Variants in CYP51A1 observed in about 807,000 individuals in gnomAD.
The protein encoded by CYP51A1 is cytochrome P450 family 51 subfamily A member 1.
Under a neutral mutation model 53.5 loss-of-function variants are expected in CYP51A1, and 45 were observed. The observed-to-expected ratio is 0.84, with a 90% CI of 0.66 to 1.08. The LOEUF is 1.08. Ranked by LOEUF, CYP51A1 falls within the 50% of genes least tolerant of loss-of-function variation. The pLI, the probability that CYP51A1 is intolerant of heterozygous loss-of-function variation, is 0.00. For synonymous variants in CYP51A1, 181 were observed against 217.7 expected (o/e 0.83, Z 1.48); for missense variants, 462 against 621.7 (o/e 0.74, Z 2.73).
At chr7:92,132,023 G>A (rs1819932467) in intron 1 of CYP51A1, 151 bp from the exon 2 acceptor site, 1 of 563,158 alleles carries the variant, frequency 1.8e-6, no homozygotes, top group Non-Finnish European at 3.3e-6. Context: ...AGTAACTTGA[G>A]AACAGCCAAA....
chr7:92,117,354 C>T lies in CYP51A1; in HGVS notation c.1183-142G>A, dbSNP rs576681923. The T allele has an allele frequency of 7.4e-5, 45 of 605,736 alleles. No individual in the cohort carries two copies. The African/African-American group carries it at 8.1e-4, about 11-fold the overall frequency. The allele number at this position is 605,736 out of a possible 1,614,324, so 37.5% of individuals were successfully genotyped here. ...TGATAGGTTTACATCCTGATAAATCCATCATAAAGTCAAAAAATTATAAGT... is the reference window on the plus strand; with the variant it reads ...TGATAGGTTTACATCCTGATAAATCTATCATAAAGTCAAAAAATTATAAGT... On this transcript the variant is annotated intron_variant, in intron 8 of 9. Transcript: ENST00000003100.
Position 92,134,165 on chromosome 7 carries a change from G to A in CYP51A1, c.192+8C>T, listed in dbSNP as rs762470460. The A allele has an allele frequency of 2.5e-6, 4 of 1,611,182 alleles. No homozygotes were observed. Among genetic ancestry groups the A allele is most frequent in the Non-Finnish European group, 2.5e-6 (3 of 1,179,522 alleles). On this transcript the variant is annotated splice_region_variant and intron_variant, in intron 1 of 9. Coordinates refer to ENST00000003100, the MANE Select transcript of CYP51A1 (RefSeq NM_000786.4). ...GCGCCCCACTCAGACCCTAAAGAAT[G>A]TACGTACCACCCCTGCGGGCAGCTG...
chr7:92,119,466 T>C (rs1819642858), intron 7 of CYP51A1, among the ~76,000 whole-genome samples: 1 of 152,184 alleles, frequency 6.6e-6, no homozygotes, highest in Non-Finnish European at 1.5e-5. Context: ...GCTAGGAGAC[T>C]GGCTGTTCAA....
intron 2 of CYP51A1, among the ~76,000 whole-genome samples, chr7:92,129,720 C>G (rs1483817252): frequency 6.6e-6 from 1 of 151,856 alleles, no homozygotes; most frequent in South Asian, 2.1e-4. Flanking sequence ...GGAAAAAATA[C>G]AAATTAATCA....
intron 7 of CYP51A1, among the ~76,000 whole-genome samples, chr7:92,121,460 T>G (rs2130947258): frequency 6.6e-6 from 1 of 152,250 alleles, no homozygotes; most frequent in Middle Eastern, 3.4e-3. Context: ...CCAGCAATTC[T>G]ACTCCTAGGT....
rs550087352 is a variant in CYP51A1, at chr7:92,124,405, T to C, written c.771-552A>G. Among the ~76,000 whole-genome samples, 4 of 152,328 alleles carry C rather than the reference T, an allele frequency of 2.6e-5. No homozygotes were observed. The South Asian group carries it at 6.2e-4, about 24-fold the overall frequency. ...TGTTCACTATGTAGCAGGTACCATG[T>C]TAAGTGTTTTACATGAATTACTCAC... is the stretch of plus-strand genomic sequence containing the variant. On this transcript the variant is annotated intron_variant, in intron 5 of 9. Coordinates refer to ENST00000003100, the MANE Select transcript of CYP51A1 (RefSeq NM_000786.4).
chr7:92,127,671 C>A, intron 3 of CYP51A1, 40 bp from the exon 4 acceptor site: 1 of 1,604,646 alleles, frequency 6.2e-7, no homozygotes, highest in East Asian at 2.2e-5. Context: ...CATTAAAACA[C>A]ATTTTTGTTT....
chr7:92,132,698 C>T (rs544326226), intron 1 of CYP51A1, among the ~76,000 whole-genome samples: 1 of 152,302 alleles, frequency 6.6e-6, no homozygotes, highest in African/African-American at 2.4e-5. Flanking sequence ...ATATTTACTT[C>T]TCAGTAAACA....
chr7:92,121,395 G>A (rs1171900447), intron 7 of CYP51A1, among the ~76,000 whole-genome samples: 1 of 152,092 alleles, frequency 6.6e-6, no homozygotes. Context: ...AGATTTGAAA[G>A]TGGTGCAGCC....
intron 7 of CYP51A1, among the ~76,000 whole-genome samples, chr7:92,120,446 C>T (rs1367313313): frequency 2.6e-5 from 4 of 152,176 alleles, no homozygotes; most frequent in African/African-American, 9.7e-5. Flanking sequence ...GGTCAAGAGG[C>T]TTTTTAAAAT....
In CYP51A1 at chr7:92,128,572, C is replaced by T. The variant is rs111248674; in HGVS notation, c.468+308G>A. On this transcript the variant is annotated intron_variant, in intron 3 of 9. Transcript: ENST00000003100. ...GATCTCGGCTCACTGCAACCTCCGC[C>T]TCCTGGGTTCAAGCGATTCTCATGC... Among the ~76,000 whole-genome samples, 5 of 151,852 alleles carry T rather than the reference C, an allele frequency of 3.3e-5. 1 individual carries two copies. The highest frequency in any genetic ancestry group is 1.2e-4 in the African/African-American group (5 of 41,382).
chr7:92,118,590 C>A lies in CYP51A1; in HGVS notation c.1112G>T (p.Arg371Leu), dbSNP rs138355676. The A allele has an allele frequency of 1.0e-5, 16 of 1,584,030 alleles. No homozygotes were observed. In the African/African-American group the frequency reaches 1.9e-4, roughly 19 times the overall value. ...DQLKDLNLLD[R>L]CIKETLRLRP... Reference sequence around the variant, plus strand: ...AAGTCTTAATGTTTCTTTTATACAGCGATCAAGTAAATTTAGATCCTTGAG... The same window carrying A: ...AAGTCTTAATGTTTCTTTTATACAGAGATCAAGTAAATTTAGATCCTTGAG... The change falls in exon 8 of 10, where the codon CGC (arginine) becomes CTC (leucine). Residue 371 changes from arginine to leucine, a missense_variant. Arg to Leu is a moderately radical substitution (Grantham distance 102, BLOSUM62 -2). Coordinates refer to ENST00000003100, the MANE Select transcript of CYP51A1 (RefSeq NM_000786.4).
intron 5 of CYP51A1, among the ~76,000 whole-genome samples, 187 bp from the exon 6 acceptor site, chr7:92,124,040 A>T (rs924075605): frequency 7.2e-5 from 11 of 152,234 alleles, no homozygotes; most frequent in Admixed American, 2.0e-4. Context: ...CATTGTTAAA[A>T]ATGTCCATAG....
rs1350120880 is a variant in CYP51A1 at position 92,123,153 on chromosome 7, A to G, written c.1053T>C (p.Cys351=). Residue 351 remains cysteine (C), a synonymous_variant, in exon 7 of 10, where the codon TGT becomes TGC. Transcript: ENST00000003100. The stretch of plus-strand genomic sequence containing the variant: ...AAGTTAAAGGAGGCAGATTCTCTCC[A>G]CAGACTGTTTTCTGTTCTAAATAAC... ...KKCYLEQKTV[C]GENLPPLTYD... 3.1e-6 allele frequency: 5 copies of G among 1,613,756 alleles called. No individual in the cohort carries two copies. Among genetic ancestry groups the G allele is most frequent in the Non-Finnish European group, 4.2e-6 (5 of 1,179,812 alleles).
At chr7:92,117,389 T>G in intron 8 of CYP51A1, 177 bp from the exon 9 acceptor site, 1 of 535,000 alleles carries the variant, frequency 1.9e-6, no homozygotes, top group Non-Finnish European at 3.2e-6. Flanking sequence ...TTGAATCACA[T>G]AAATCAAGAA....
In CYP51A1 at chr7:92,127,626, G is replaced by A; in HGVS notation, c.474C>T (p.Phe158=). 4 of 1,613,340 alleles carry A rather than the reference G, an allele frequency of 2.5e-6. No homozygotes were observed. The highest frequency in any genetic ancestry group is 3.4e-6 in the Non-Finnish European group (4 of 1,179,680). Residue 158 remains phenylalanine (F), a synonymous_variant, in exon 4 of 10, where the codon TTC becomes TTT. Transcript: ENST00000003100. ...TTTTTAACATTTTCTTCTGCTCCAA[G>A]AAAACCTTCAAAAAAATTCAAAACG... ...GVAYDVPNPV[F]LEQKKMLKSG...
At chr7:92,126,170 A>G in intron 5 of CYP51A1, 83 bp downstream of exon 5, 1 of 943,282 alleles carries the variant, frequency 1.1e-6, no homozygotes, top group Non-Finnish European at 1.5e-6. Flanking sequence ...TTTAATTTTT[A>G]TCTTTGTTAA....
chr7:92,122,994 C>T (rs760385922), intron 7 of CYP51A1, 126 bp downstream of exon 7: 5 of 696,626 alleles, frequency 7.2e-6, no homozygotes, highest in Non-Finnish European at 1.2e-5. Context: ...AGGGAATTTG[C>T]TAAAAATAGA....
chr7:92,129,722 A>C (rs1051550140), intron 2 of CYP51A1, among the ~76,000 whole-genome samples: 1 of 152,240 alleles, frequency 6.6e-6, no homozygotes, highest in African/African-American at 2.4e-5. Flanking sequence ...AAAAAATACA[A>C]ATTAATCAAA....
Sources: allele counts gnomAD v4.1 joint callset (sites outside exome capture counted in the v4.1 genomes callset), GRCh38; gene constraint gnomAD v4.1.1; transcripts MANE v1.5; gene names NCBI Gene and HGNC (gene_info 2026-07-23, HGNC 2026-07-21).